The following GYS2 variants were observed in gnomAD, a reference collection of about 807,000 sequenced individuals.
The protein encoded by GYS2 is glycogen synthase 2.
GYS2 carries 80 observed loss-of-function variants against 85.6 expected under a neutral mutation model. The ratio of observed to expected loss-of-function variants is 0.93; its 90% confidence interval spans 0.78 to 1.13. GYS2 has a LOEUF of 1.13. Among genes scored for constraint, GYS2 ranks in the 50% most tolerant of loss-of-function variants. The pLI is 0.00. For missense variants in GYS2, 881 were observed against 854.9 expected (o/e 1.03, Z -0.38); for synonymous variants, 328 against 300.7 (o/e 1.09, Z -0.94).
intron 5 of GYS2, among the ~76,000 whole-genome samples, chr12:21,566,391 T>C (rs2136889002): frequency 6.6e-6 from 1 of 152,134 alleles, no homozygotes; most frequent in South Asian, 2.1e-4. Flanking sequence ...GGTTTATATG[T>C]TTAATGATCT....
chr12:21,591,293 A>G (rs1944636076), intron 1 of GYS2, among the ~76,000 whole-genome samples: 1 of 152,122 alleles, frequency 6.6e-6, no homozygotes, highest in African/African-American at 2.4e-5. Flanking sequence ...AGAGATAGAT[A>G]CAACAAGAAT....
At chr12:21,561,560 G>A (rs1046461494) in intron 7 of GYS2, among the ~76,000 whole-genome samples, 2 of 152,078 alleles carry the variant, frequency 1.3e-5, no homozygotes, top group Non-Finnish European at 2.9e-5. Context: ...TCCAAGTATT[G>A]CAGTTATCTT....
intron 5 of GYS2, among the ~76,000 whole-genome samples, chr12:21,563,895 G>A (rs1237316506): frequency 6.6e-6 from 1 of 152,202 alleles, no homozygotes; most frequent in East Asian, 1.9e-4. Context: ...TTTTCCACAA[G>A]TGTATGGGAC....
intron 15 of GYS2, among the ~76,000 whole-genome samples, chr12:21,538,364 CT>C (rs1383710796): frequency 2.6e-5 from 4 of 152,132 alleles, no homozygotes; most frequent in African/African-American, 7.2e-5. Context: ...ACAGTGACCC[CT>C]GATTGAGAAA....
chr12:21,534,863 T>C (rs1354762030), downstream of GYS2: 1 of 152,206 alleles, frequency 6.6e-6, no homozygotes, highest in Admixed American at 6.5e-5. Context: ...AAAAGCAAAA[T>C]TTTTTGAACC....
chr12:21,542,884 G>A (rs1943995853), intron 12 of GYS2, among the ~76,000 whole-genome samples: 1 of 152,224 alleles, frequency 6.6e-6, no homozygotes, highest in South Asian at 2.1e-4. Context: ...TTTGAAGTCA[G>A]GCACCCGGCT....
chr12:21,539,232 CAA>C (rs36023861), intron 15 of GYS2, 24 bp downstream of exon 15: 259 of 1,273,098 alleles, frequency 2.0e-4, no homozygotes, highest in Middle Eastern at 6.4e-4. Flanking sequence ...ATATAGCTTT[CAA>C]AAAAAAATAC....
At chr12:21,538,664 T>A (rs141314332) in intron 15 of GYS2, among the ~76,000 whole-genome samples, 40 of 152,276 alleles carry the variant, frequency 2.6e-4, no homozygotes, top group African/African-American at 9.4e-4. Flanking sequence ...TGTAGACTAC[T>A]GCAAGGACTG....
chr12:21,587,149 CAT>C (rs1944583304), intron 1 of GYS2, among the ~76,000 whole-genome samples: 1 of 152,052 alleles, frequency 6.6e-6, no homozygotes, highest in Admixed American at 6.5e-5. Context: ...TAAGCATAGA[CAT>C]ATAGAATGAA....
At chr12:21,554,384 C>T (rs935323803) in intron 11 of GYS2, among the ~76,000 whole-genome samples, 1 of 152,136 alleles carries the variant, frequency 6.6e-6, no homozygotes, top group Non-Finnish European at 1.5e-5. Flanking sequence ...ACCTGCATCT[C>T]CCTGCCTGTA....
In GYS2 at chr12:21,562,975, T is replaced by C. The variant is rs1483248451; in HGVS notation, c.1005A>G (p.Ser335=). 1 of 1,613,044 alleles carries C rather than the reference T, an allele frequency of 6.2e-7. No individual in the cohort carries two copies. Among genetic ancestry groups the C allele is most frequent in the African/African-American group, 1.3e-5 (1 of 74,910 alleles). ...CTAGGAAGATGTCAGCTCCTTTGTT[T>C]GAAAACTCATACCTCCCAGCAATGA... ...FLFIAGRYEF[S]NKGADIFLES... is the part of the protein sequence containing the mutation. The change falls in exon 7 of 16, where the codon TCA becomes TCG. Residue 335 remains serine (S), a synonymous_variant. Transcript: ENST00000261195.
At chr12:21,562,698 C>CAAAAAAA (rs60049724) in intron 7 of GYS2, among the ~76,000 whole-genome samples, 1 of 98,290 alleles carries the variant, frequency 1.0e-5, no homozygotes, top group Non-Finnish European at 2.1e-5. Flanking sequence ...TAAGATTCTC[C>CAAAAAAA]AAAAAAAAAA....
Position 21,540,519 on chromosome 12 carries a change from A to G in GYS2, c.1700T>C (p.Leu567Pro). 1 of 1,614,032 alleles carries G rather than the reference A, an allele frequency of 6.2e-7. No individual in the cohort carries two copies. Among genetic ancestry groups the G allele is most frequent in the Non-Finnish European group, 8.5e-7 (1 of 1,179,902 alleles). ...GCAAAATCCATAGAGAAACTTAGTC[A>G]GCTGATTGCAAGAATCATCTGGAGA... ...FRSPDDSCNQ[L>P]TKFLYGFCKQ... Residue 567 changes from leucine (L) to proline (P), a missense_variant, in exon 14 of 16, where the codon CTG becomes CCG. Transcript: ENST00000261195.
chr12:21,584,052 G>T (rs1183374952), intron 1 of GYS2, among the ~76,000 whole-genome samples: 1 of 152,194 alleles, frequency 6.6e-6, no homozygotes, highest in Non-Finnish European at 1.5e-5. Context: ...TGCACGATAT[G>T]CAGGCACCAC....
Position 21,546,182 on chromosome 12 carries a change from T to C in GYS2, c.1549+162A>G, listed in dbSNP as rs3765091. ...TTATTCTTAAGTAATTATCTACAAATCATAAATTAATCCCTGTGATAAATC... is the reference window on the plus strand; with the variant it reads ...TTATTCTTAAGTAATTATCTACAAACCATAAATTAATCCCTGTGATAAATC... On this transcript the variant is annotated intron_variant, in intron 12 of 15. Transcript: ENST00000261195. Among the ~76,000 whole-genome samples, 34,019 of 152,058 alleles carry C rather than the reference T, an allele frequency of 0.22. 4,088 individuals are homozygous for C. The highest frequency in any genetic ancestry group is 0.34 in the Middle Eastern group (100 of 290).
chr12:21,601,287 C>T (rs1944753681), intron 1 of GYS2, among the ~76,000 whole-genome samples: 1 of 151,996 alleles, frequency 6.6e-6, no homozygotes, highest in African/African-American at 2.4e-5. Context: ...GTGCTTCTTC[C>T]AAAACATACC....
At chr12:21,539,785 C>T (rs1400034131) in intron 14 of GYS2, among the ~76,000 whole-genome samples, 1 of 152,182 alleles carries the variant, frequency 6.6e-6, no homozygotes, top group Non-Finnish European at 1.5e-5. Context: ...ATTAATCATC[C>T]AGGTTGTAAT....
At position 21,604,834 on chromosome 12, in the gene GYS2, C is replaced by G. The variant is rs981612929; in HGVS notation, c.-242G>C. ...GCAGGTATTGTGAGGACGGTATCTG[C>G]CCTGTCAGTATCTACCCAAACAATC... On this transcript the variant is annotated 5_prime_UTR_variant, in exon 1 of 16. Transcript: ENST00000261195. 6 of 1,271,642 alleles carry G rather than the reference C, an allele frequency of 4.7e-6. No homozygotes were observed. The highest frequency in any genetic ancestry group is 6.0e-6 in the Non-Finnish European group (6 of 995,936). The allele number at this position is 1,271,642 out of a possible 1,614,324, so 78.8% of individuals were successfully genotyped here.
At chr12:21,555,758 G>A (rs529113373) in intron 11 of GYS2, among the ~76,000 whole-genome samples, 1 of 152,236 alleles carries the variant, frequency 6.6e-6, no homozygotes, top group South Asian at 2.1e-4. Context: ...ATGGGGAGAT[G>A]AGTATGAGGC....
Sources: gnomAD v4.1 joint callset for allele counts (sites outside exome capture counted in the v4.1 genomes callset) on GRCh38, gnomAD v4.1.1 for gene constraint, MANE v1.5 for transcripts, NCBI Gene and HGNC (gene_info 2026-07-23, HGNC 2026-07-21) for gene names.